The following CNTNAP2 variants were observed in gnomAD, a reference collection of about 807,000 sequenced individuals.
CNTNAP2 encodes the protein contactin associated protein 2, also known as contactin-associated protein-like 2.
A neutral mutation model predicts 155.2 loss-of-function variants in CNTNAP2; 98 were observed. That is an observed-to-expected ratio of 0.63 (90% CI 0.54 to 0.75). The LOEUF (loss-of-function observed/expected upper bound fraction) is 0.75. CNTNAP2 is among the 30% of genes least tolerant of loss of function. The probability of loss-of-function intolerance (pLI) is 0.00; values close to 1 mark genes in which losing one functional copy is unlikely to be tolerated. For synonymous variants in CNTNAP2, 651 were observed against 631.2 expected (o/e 1.03, Z -0.47); for missense variants, 1,727 against 1,688.1 (o/e 1.02, Z -0.40).
At chr7:146,206,475 A>T (rs1243690296) in intron 1 of CNTNAP2, among the ~76,000 whole-genome samples, 2 of 151,946 alleles carry the variant, frequency 1.3e-5, no homozygotes, top group Non-Finnish European at 2.9e-5. Flanking sequence ...AACTGAAGAA[A>T]GTAAAAATAG....
intron 14 of CNTNAP2, among the ~76,000 whole-genome samples, chr7:147,937,902 G>A (rs772896773): frequency 9.2e-5 from 14 of 152,046 alleles, no homozygotes; most frequent in Non-Finnish European, 1.6e-4. Context: ...TGATGATGAC[G>A]ATGATAATAG....
intron 15 of CNTNAP2, among the ~76,000 whole-genome samples, chr7:148,113,831 T>C (rs1216204731): frequency 6.6e-6 from 1 of 152,202 alleles, no homozygotes; most frequent in Non-Finnish European, 1.5e-5. Context: ...AGCTTTTGAC[T>C]CCAGCCCCGG....
In CNTNAP2 at chr7:146,188,712, C is replaced by T. The variant is rs578079985; in HGVS notation, c.97+71739C>T. Among the ~76,000 whole-genome samples the T allele has an allele frequency of 2.6e-5, 4 of 152,294 alleles. No individual in the cohort carries two copies. The East Asian group carries it at 7.7e-4, about 29-fold the overall frequency. On this transcript the variant is annotated intron_variant, in intron 1 of 23. Coordinates refer to ENST00000361727, the MANE Select transcript of CNTNAP2 (RefSeq NM_014141.6). ...AATGGTTTAAAAATTTTGCAATCAG[C>T]ATACCCACCACCAACCAAATAATAA...
At chr7:146,996,154 A>G (rs1298430095) in intron 3 of CNTNAP2, among the ~76,000 whole-genome samples, 1 of 152,036 alleles carries the variant, frequency 6.6e-6, no homozygotes, top group Admixed American at 6.6e-5. Flanking sequence ...CCATTTATTA[A>G]AGAGACTGTT....
intron 13 of CNTNAP2, among the ~76,000 whole-genome samples, chr7:147,766,258 A>C (rs1584944716): frequency 6.6e-6 from 1 of 152,296 alleles, no homozygotes; most frequent in East Asian, 1.9e-4. Flanking sequence ...ACTAAATAAA[A>C]CTAAGACAAA....
intron 4 of CNTNAP2, among the ~76,000 whole-genome samples, chr7:147,076,081 G>T (rs1249340747): frequency 6.6e-6 from 1 of 152,102 alleles, no homozygotes; most frequent in Non-Finnish European, 1.5e-5. Flanking sequence ...GAATAGTGCT[G>T]CAGTAAACAT....
rs1293760554 is a variant in CNTNAP2, at chr7:148,361,132, CGG to C, written c.3476-22515_3476-22514del. Among the ~76,000 whole-genome samples the C allele has an allele frequency of 4.6e-5, 7 of 151,990 alleles. No individual in the cohort carries two copies. The South Asian group carries it at 1.2e-3, about 27-fold the overall frequency. On this transcript the variant is annotated intron_variant, in intron 21 of 23. Coordinates refer to ENST00000361727, the MANE Select transcript of CNTNAP2 (RefSeq NM_014141.6). The stretch of plus-strand genomic sequence containing the variant: ...CTAGAGTTGTTTTAATTTTCTATAT[CGG>C]GTCTCATCTTGTTCTGAGGCATCCA...
At chr7:147,453,324 C>T (rs535636914) in intron 10 of CNTNAP2, among the ~76,000 whole-genome samples, 35 of 152,252 alleles carry the variant, frequency 2.3e-4, no homozygotes, top group African/African-American at 8.4e-4. Flanking sequence ...TTCCTGCTTC[C>T]CTATGACTTC....
chr7:146,459,708 C>T lies in CNTNAP2; in HGVS notation c.98-314563C>T, dbSNP rs543915749. Among the ~76,000 whole-genome samples, 8 of 152,264 alleles carry T rather than the reference C, an allele frequency of 5.3e-5. No individual in the cohort carries two copies. The South Asian group carries it at 8.3e-4, about 16-fold the overall frequency. ...GCCACTGGACAAGCGCGGTGCCTCA[C>T]GCCTGTAATCCCAGCACTTTGGGAG... is the stretch of plus-strand genomic sequence containing the variant. On this transcript the variant is annotated intron_variant, in intron 1 of 23. Transcript: ENST00000361727.
intron 8 of CNTNAP2, among the ~76,000 whole-genome samples, chr7:147,204,363 C>T (rs1215290473): frequency 6.6e-6 from 1 of 151,964 alleles, no homozygotes; most frequent in African/African-American, 2.4e-5. Context: ...AGATGTGTTT[C>T]ACAATGAAGG....
chr7:148,415,796 T>TTTAATATTTCTTTATAGC lies in CNTNAP2; in HGVS notation c.*182_*199dup, dbSNP rs1799973609. On this transcript the variant is annotated 3_prime_UTR_variant, in exon 24 of 24. Coordinates refer to ENST00000361727, the MANE Select transcript of CNTNAP2 (RefSeq NM_014141.6). ...GACTGATCACAAAAAAAAAAACCTT[T>TTTAATATTTCTTTATAGC]TTAATATTTCTTTATAGCTGAGTTT... The TTTAATATTTCTTTATAGC allele has an allele frequency of 1.5e-6, 1 of 681,116 alleles. No homozygotes were observed. The highest frequency in any genetic ancestry group is 1.8e-5 in the African/African-American group (1 of 55,276). The allele number at this position is 681,116 out of a possible 1,614,324, so 42.2% of individuals were successfully genotyped here. A position where few individuals can be genotyped will look rare whatever the true frequency, so the allele number is the denominator to read the frequency against.
In CNTNAP2 at chr7:146,151,656, ATATATATATATATATATATATATATG is replaced by A. The variant is rs1407676251; in HGVS notation, c.97+34699_97+34724del. On this transcript the variant is annotated intron_variant, in intron 1 of 23. Coordinates refer to ENST00000361727, the MANE Select transcript of CNTNAP2 (RefSeq NM_014141.6). ...ACGTGATATATATATATATATATAT[ATATATATATATATATATATATATATG>A]TATATATATATATATGTATATATAT... is the stretch of plus-strand genomic sequence containing the variant. 5.2e-3 allele frequency among the ~76,000 whole-genome samples: 258 copies of A among 49,512 alleles called. 9 individuals carry two copies. Among genetic ancestry groups the A allele is most frequent in the Admixed American group, 0.01 (38 of 3,698 alleles). 32.5% of individuals were successfully genotyped at this position (49,512 alleles called of 152,430 possible).
At chr7:146,429,811 G>GA (rs2129116652) in intron 1 of CNTNAP2, among the ~76,000 whole-genome samples, 1 of 152,134 alleles carries the variant, frequency 6.6e-6, no homozygotes, top group South Asian at 2.1e-4. Flanking sequence ...GCTTACAAGG[G>GA]AAATGCTTCC....
At position 146,589,796 on chromosome 7, in the gene CNTNAP2, T is replaced by A. The variant is rs928220270; in HGVS notation, c.98-184475T>A. Among the ~76,000 whole-genome samples the A allele has an allele frequency of 1.5e-4, 23 of 151,748 alleles. 1 individual carries two copies. The highest frequency in any genetic ancestry group is 5.6e-4 in the African/African-American group (23 of 41,326). ...TGGAATGTTGCAATGTAAGTTTATG[T>A]GTTATTCAAGTGAGATTAAAAATGT... On this transcript the variant is annotated intron_variant, in intron 1 of 23. Coordinates refer to ENST00000361727, the MANE Select transcript of CNTNAP2 (RefSeq NM_014141.6).
chr7:148,177,544 C>G (rs1160497370), intron 18 of CNTNAP2, among the ~76,000 whole-genome samples: 1 of 152,220 alleles, frequency 6.6e-6, no homozygotes, highest in Non-Finnish European at 1.5e-5. Flanking sequence ...CTTCTTAATT[C>G]TTGCTCTTAA....
intron 11 of CNTNAP2, among the ~76,000 whole-genome samples, chr7:147,490,767 T>C (rs866245430): frequency 1.9e-4 from 29 of 152,250 alleles, no homozygotes; most frequent in African/African-American, 6.3e-4. Context: ...AGAGACTGGA[T>C]AATTTAGAAA....
chr7:146,629,234 C>T (rs746711113), intron 1 of CNTNAP2, among the ~76,000 whole-genome samples: 7 of 152,142 alleles, frequency 4.6e-5, no homozygotes. Flanking sequence ...TTACCCCTCT[C>T]ACTCCTCATC....
intron 9 of CNTNAP2, among the ~76,000 whole-genome samples, chr7:147,382,765 G>A (rs939321578): frequency 1.3e-5 from 2 of 152,146 alleles, no homozygotes; most frequent in Non-Finnish European, 1.5e-5. Flanking sequence ...ACTTACAGAC[G>A]AGGTAAGAGA....
intron 15 of CNTNAP2, among the ~76,000 whole-genome samples, chr7:148,096,735 G>T (rs1220166365): frequency 6.6e-6 from 1 of 152,038 alleles, no homozygotes; most frequent in Non-Finnish European, 1.5e-5. Context: ...ACAAGAGCCT[G>T]GTCTATGAAG....
Sources: allele counts gnomAD v4.1 joint callset (sites outside exome capture counted in the v4.1 genomes callset), GRCh38; gene constraint gnomAD v4.1.1; transcripts MANE v1.5; gene names NCBI Gene and HGNC (gene_info 2026-07-23, HGNC 2026-07-21).